The following PSMD14 variants were observed in gnomAD, a reference collection of about 807,000 sequenced individuals.
The protein encoded by PSMD14 is proteasome 26S subunit, non-ATPase 14, also known as ubiquitin C-terminal hydrolase PSMD14.
PSMD14 carries 7 observed loss-of-function variants against 41.2 expected under a neutral mutation model. The ratio of observed to expected loss-of-function variants is 0.17; its 90% confidence interval spans 0.10 to 0.32. The LOEUF is 0.32. Among genes scored for constraint, PSMD14 ranks in the 10% least tolerant of loss-of-function variants. The probability of loss-of-function intolerance (pLI) is 1.00; values close to 1 mark genes in which losing one functional copy is unlikely to be tolerated. For synonymous variants in PSMD14, 114 were observed against 122.3 expected, an observed-to-expected ratio of 0.93 and a Z score of 0.45; for missense variants, 139 against 375.6, an observed-to-expected ratio of 0.37 and a Z score of 5.21.
chr2:161,386,352 A>T (rs1014128565), intron 8 of PSMD14, among the ~76,000 whole-genome samples: 1 of 151,926 alleles, frequency 6.6e-6, no homozygotes. Context: ...CAAAGACATT[A>T]TAGTAGCTAT....
At chr2:161,335,536 A>G (rs1682856108) in intron 3 of PSMD14, among the ~76,000 whole-genome samples, 1 of 152,254 alleles carries the variant, frequency 6.6e-6, no homozygotes, top group Admixed American at 6.5e-5. Flanking sequence ...TCCCATATCC[A>G]TAGATATAAA....
rs202216505 is a variant in PSMD14, at chr2:161,339,496, A to ATT, written c.48+20643_48+20644dup. Among the ~76,000 whole-genome samples the ATT allele has an allele frequency of 2.6e-3, 272 of 105,536 alleles. 3 individuals are homozygous for ATT. Among genetic ancestry groups the ATT allele is most frequent in the East Asian group, 0.016 (60 of 3,724 alleles). The allele number at this position is 105,536 out of a possible 152,430, so 69.2% of individuals were successfully genotyped here. ...ACTGGGTGGGTTATTTTGTTAATGAATTTTTTTTTTTTTTTTTTTTTGAGA... is the reference window on the plus strand; with the variant it reads ...ACTGGGTGGGTTATTTTGTTAATGAATTTTTTTTTTTTTTTTTTTTTTTGAGA... On this transcript the variant is annotated intron_variant, in intron 3 of 11. Coordinates refer to ENST00000409682, the MANE Select transcript of PSMD14 (RefSeq NM_005805.6).
At chr2:161,345,019 T>G (rs1185853828) in intron 3 of PSMD14, among the ~76,000 whole-genome samples, 2 of 152,158 alleles carry the variant, frequency 1.3e-5, no homozygotes, top group Non-Finnish European at 2.9e-5. Flanking sequence ...TTGTTTTATC[T>G]CTTATATTGA....
chr2:161,397,885 G>C (rs996034027), intron 10 of PSMD14, among the ~76,000 whole-genome samples: 3 of 152,136 alleles, frequency 2.0e-5, no homozygotes, highest in African/African-American at 7.2e-5. Flanking sequence ...ATTAGATAAA[G>C]AGAAATAAAT....
chr2:161,388,672 T>C (rs1427450555), intron 8 of PSMD14, among the ~76,000 whole-genome samples: 1 of 152,258 alleles, frequency 6.6e-6, no homozygotes, highest in African/African-American at 2.4e-5. Context: ...TACCACCGTA[T>C]TTTCAGTTTA....
chr2:161,381,336 G>T (rs1011940473), intron 7 of PSMD14: 9 of 151,314 alleles, frequency 5.9e-5, no homozygotes, highest in African/African-American at 2.2e-4. Context: ...TCAAGAAAAT[G>T]AATGCATCAT....
chr2:161,374,293 T>C (rs957434092), intron 7 of PSMD14, among the ~76,000 whole-genome samples: 2 of 152,012 alleles, frequency 1.3e-5, no homozygotes, highest in Non-Finnish European at 2.9e-5. Context: ...TTTCTGTAGG[T>C]ATTATGTATT....
intron 3 of PSMD14, among the ~76,000 whole-genome samples, chr2:161,329,538 A>G (rs1347281665): frequency 6.6e-6 from 1 of 151,972 alleles, no homozygotes; most frequent in African/African-American, 2.4e-5. Flanking sequence ...AATCCTTTAT[A>G]CATTTATGAA....
chr2:161,312,644 T>C (rs755516937), intron 1 of PSMD14, among the ~76,000 whole-genome samples: 2 of 152,242 alleles, frequency 1.3e-5, no homozygotes, highest in East Asian at 3.8e-4. Flanking sequence ...TTTATTCATA[T>C]TGTCTGATAA....
At position 161,408,867 on chromosome 2, in the gene PSMD14, G is replaced by T; in HGVS notation, c.802G>T (p.Glu268Ter). ...AVEEEDKMTP[E>*]QLAIKNVGKQ... ...AGAAGAAGAAGATAAGATGACACCT[G>T]AACAGCTGGCAATAAAGAATGTTGG... Residue 268 changes from glutamate to a stop codon, truncating the protein, a stop_gained, in exon 11 of 12, where the codon GAA becomes TAA. Coordinates refer to ENST00000409682, the MANE Select transcript of PSMD14 (RefSeq NM_005805.6). LOFTEE classifies it high-confidence loss of function. 6.2e-7 allele frequency: 1 copy of T among 1,607,352 alleles called. No homozygotes were observed. The highest frequency in any genetic ancestry group is 1.1e-5 in the South Asian group (1 of 90,316).
At chr2:161,349,574 A>C (rs1386592000) in intron 3 of PSMD14, among the ~76,000 whole-genome samples, 1 of 152,194 alleles carries the variant, frequency 6.6e-6, no homozygotes, top group Non-Finnish European at 1.5e-5. Flanking sequence ...AAGATGTTCG[A>C]TCAGGTAACA....
intron 3 of PSMD14, among the ~76,000 whole-genome samples, chr2:161,349,380 T>C (rs780125843): frequency 2.6e-5 from 4 of 152,220 alleles, no homozygotes; most frequent in Admixed American, 1.3e-4. Context: ...TCAGAATGCC[T>C]GCTTGGCATG....
At chr2:161,391,041 T>C (rs961356565) in intron 8 of PSMD14, 63 bp from the exon 9 acceptor site, 1 of 1,359,328 alleles carries the variant, frequency 7.4e-7, no homozygotes, top group African/African-American at 1.5e-5. Context: ...ATCAACAGTT[T>C]CAAACATTTT....
chr2:161,392,703 C>G (rs774253875), intron 9 of PSMD14, among the ~76,000 whole-genome samples: 12 of 152,132 alleles, frequency 7.9e-5, no homozygotes, highest in Admixed American at 1.3e-4. Flanking sequence ...TTATAATGCT[C>G]TCTTCTAATT....
rs183553191 is a variant in PSMD14 at position 161,366,767 on chromosome 2, T to C, written c.49-711T>C. Among the ~76,000 whole-genome samples, 45 of 152,296 alleles carry C rather than the reference T, an allele frequency of 3.0e-4. 1 individual carries two copies. Among genetic ancestry groups the C allele is most frequent in the African/African-American group, 1.0e-3 (43 of 41,574 alleles). On this transcript the variant is annotated intron_variant, in intron 3 of 11. Coordinates refer to ENST00000409682, the MANE Select transcript of PSMD14 (RefSeq NM_005805.6). ...TCAGTTACCTTGTGCAGGTGAATGT[T>C]ATAGTCAAGAGAAGTTTGCTTCCTT...
chr2:161,343,955 CT>C (rs1422065665), intron 3 of PSMD14, among the ~76,000 whole-genome samples: 3 of 152,166 alleles, frequency 2.0e-5, no homozygotes, highest in Non-Finnish European at 4.4e-5. Context: ...AACATGTACA[CT>C]TTTTCTTGTC....
chr2:161,403,839 C>T (rs1224064865), intron 10 of PSMD14, among the ~76,000 whole-genome samples: 2 of 152,016 alleles, frequency 1.3e-5, no homozygotes, highest in Non-Finnish European at 2.9e-5. Flanking sequence ...CTCACCATAC[C>T]ACCAAATGAG....
At chr2:161,355,722 G>A (rs1683186991) in intron 3 of PSMD14, among the ~76,000 whole-genome samples, 1 of 152,110 alleles carries the variant, frequency 6.6e-6, no homozygotes. Context: ...ACTCATTTAT[G>A]TTTTAAAACA....
In PSMD14 at chr2:161,405,279, C is replaced by G. The variant is rs111455811; in HGVS notation, c.772-3558C>G. On this transcript the variant is annotated intron_variant, in intron 10 of 11. Transcript: ENST00000409682. ...CCTAATGCATTCTTTATACTCTCAT[C>G]CTGACTCTCCCTCTGTTTCCCCAGG... Among the ~76,000 whole-genome samples the G allele has an allele frequency of 1.6e-3, 240 of 152,288 alleles. 2 individuals carry two copies. Among genetic ancestry groups the G allele is most frequent in the Non-Finnish European group, 2.6e-3 (176 of 68,006 alleles).
Sources: allele counts gnomAD v4.1 joint callset (sites outside exome capture counted in the v4.1 genomes callset), GRCh38; gene constraint gnomAD v4.1.1; transcripts MANE v1.5; gene names NCBI Gene and HGNC (gene_info 2026-07-23, HGNC 2026-07-21).